Variants in PDGFC observed in about 807,000 individuals in gnomAD.
The protein encoded by PDGFC is platelet derived growth factor C.
In PDGFC, 12 loss-of-function variants were observed where a neutral mutation model predicts 35.5. The ratio of observed to expected loss-of-function variants is 0.34; its 90% confidence interval spans 0.22 to 0.55. The LOEUF (loss-of-function observed/expected upper bound fraction) is 0.55, where lower values mean the gene tolerates loss of function less well. Among genes scored for constraint, PDGFC ranks in the 20% least tolerant of loss-of-function variants. The pLI is 0.91. For missense variants in PDGFC, 322 were observed against 412.4 expected (o/e 0.78, Z 1.90); for synonymous variants, 159 against 148.8 (o/e 1.07, Z -0.50).
At chr4:156,824,325 T>TATATATATATATACACATATACAC (rs1313538089) in intron 2 of PDGFC, among the ~76,000 whole-genome samples, 16 of 109,580 alleles carry the variant, frequency 1.5e-4, no homozygotes, top group African/African-American at 4.8e-4. Flanking sequence ...TATATATATA[T>TATATATATATATACACATATACAC]ATACACACAC....
At chr4:156,940,390 GATTTT>G (rs1265305516) in intron 1 of PDGFC, among the ~76,000 whole-genome samples, 1 of 152,030 alleles carries the variant, frequency 6.6e-6, no homozygotes, top group Admixed American at 6.6e-5. Context: ...CTGGACAATT[GATTTT>G]ATCTATTTAC....
intron 2 of PDGFC, among the ~76,000 whole-genome samples, chr4:156,847,377 G>C (rs1270828479): frequency 6.6e-6 from 1 of 151,656 alleles, no homozygotes; most frequent in Non-Finnish European, 1.5e-5. Context: ...CTCAGTGTAA[G>C]CATGACAAAA....
intron 2 of PDGFC, among the ~76,000 whole-genome samples, chr4:156,834,313 T>A (rs1232548765): frequency 1.3e-5 from 2 of 152,146 alleles, no homozygotes; most frequent in Non-Finnish European, 2.9e-5. Context: ...GTAGGTAAAC[T>A]GCTGCAATTT....
At chr4:156,864,996 A>C (rs995025944) in intron 1 of PDGFC, among the ~76,000 whole-genome samples, 2 of 152,140 alleles carry the variant, frequency 1.3e-5, no homozygotes, top group South Asian at 4.1e-4. Context: ...GTACAATCTA[A>C]AATTATATAC....
chr4:156,763,439 G>A (rs1730438380), intron 5 of PDGFC, among the ~76,000 whole-genome samples: 1 of 148,768 alleles, frequency 6.7e-6, no homozygotes, highest in Non-Finnish European at 1.5e-5. Context: ...GAAGCATTCT[G>A]TCTCTGAATA....
chr4:156,968,344 A>C (rs1732514471), intron 1 of PDGFC, among the ~76,000 whole-genome samples: 1 of 152,202 alleles, frequency 6.6e-6, no homozygotes, highest in African/African-American at 2.4e-5. Context: ...TGCAATGCAC[A>C]AACTGGGCCA....
chr4:156,847,237 C>T (rs932524493), intron 2 of PDGFC, among the ~76,000 whole-genome samples: 3 of 151,578 alleles, frequency 2.0e-5, no homozygotes, highest in Non-Finnish European at 3.0e-5. Context: ...AGAGCAGAAG[C>T]CCAGCAGATA....
intron 1 of PDGFC, among the ~76,000 whole-genome samples, chr4:156,932,082 T>C (rs2110879246): frequency 6.6e-6 from 1 of 152,294 alleles, no homozygotes; most frequent in African/African-American, 2.4e-5. Context: ...GTAATGCTAA[T>C]TTAATCTATT....
Position 156,760,957 on chromosome 4 carries a change from G to A in PDGFC, c.*2133C>T, listed in dbSNP as rs1490982153. On this transcript the variant is annotated 3_prime_UTR_variant, in exon 6 of 6. Coordinates refer to ENST00000502773, the MANE Select transcript of PDGFC (RefSeq NM_016205.3). Reference sequence around the variant, plus strand: ...CCATATATCTAGTTGGCCTCTATATGGATAGGACAAAACCAGGAAAAGGTA... The same window carrying A: ...CCATATATCTAGTTGGCCTCTATATAGATAGGACAAAACCAGGAAAAGGTA... 1 of 151,994 alleles carries A rather than the reference G, an allele frequency of 6.6e-6. No individual in the cohort carries two copies. The highest frequency in any genetic ancestry group is 2.4e-5 in the African/African-American group (1 of 41,340). 9.4% of individuals were successfully genotyped at this position (151,994 alleles called of 1,614,324 possible).
intron 1 of PDGFC, among the ~76,000 whole-genome samples, chr4:156,876,074 AG>A (rs1730110012): frequency 6.6e-6 from 1 of 152,218 alleles, no homozygotes; most frequent in Non-Finnish European, 1.5e-5. Context: ...GAACAGAAAA[AG>A]AATCAAAAGC....
chr4:156,961,818 G>A (rs1732350006), intron 1 of PDGFC, among the ~76,000 whole-genome samples: 1 of 152,018 alleles, frequency 6.6e-6, no homozygotes, highest in African/African-American at 2.4e-5. Context: ...CATTCTGCAC[G>A]CCATCCGTTT....
chr4:156,797,491 G>C (rs1487570886), intron 3 of PDGFC, among the ~76,000 whole-genome samples: 2 of 152,132 alleles, frequency 1.3e-5, no homozygotes, highest in Non-Finnish European at 2.9e-5. Flanking sequence ...CTCTGCATTT[G>C]AACATGGTTT....
chr4:156,961,534 ACATC>A (rs1434093794), intron 1 of PDGFC, among the ~76,000 whole-genome samples: 3 of 152,184 alleles, frequency 2.0e-5, no homozygotes, highest in African/African-American at 4.8e-5. Flanking sequence ...TCAAGATAGT[ACATC>A]CACCAAAAGA....
Position 156,881,895 on chromosome 4 carries a change from A to G in PDGFC, c.119-31479T>C, listed in dbSNP as rs34894379. ...TCTGTCTCTTTGCTTGCTGCCATCC[A>G]TGTAAGACATGACTTACTCCTGCTT... On this transcript the variant is annotated intron_variant, in intron 1 of 5. Transcript: ENST00000502773. Among the ~76,000 whole-genome samples, 925 of 151,018 alleles carry G rather than the reference A, an allele frequency of 6.1e-3. 13 individuals carry two copies. Among genetic ancestry groups the G allele is most frequent in the Non-Finnish European group, 0.011 (716 of 67,912 alleles).
intron 2 of PDGFC, 127 bp downstream of exon 2, chr4:156,850,094 G>A (rs1024701945): frequency 4.7e-5 from 24 of 508,504 alleles, no homozygotes; most frequent in Non-Finnish European, 3.3e-6. Flanking sequence ...AATAAGGCTG[G>A]AAATTTCTTA....
At chr4:156,897,507 AACTG>A (rs1730663279) in intron 1 of PDGFC, among the ~76,000 whole-genome samples, 2 of 152,216 alleles carry the variant, frequency 1.3e-5, no homozygotes, top group East Asian at 3.9e-4. Context: ...GCTCACATTA[AACTG>A]ACTGGGTGAG....
intron 4 of PDGFC, chr4:156,770,302 G>C (rs1287056303): frequency 6.6e-6 from 1 of 151,336 alleles, no homozygotes; most frequent in East Asian, 1.9e-4. Flanking sequence ...GAAAGTGAAA[G>C]AAAAAAAAGT....
At chr4:156,935,371 G>A (rs749152467) in intron 1 of PDGFC, among the ~76,000 whole-genome samples, 12 of 152,138 alleles carry the variant, frequency 7.9e-5, no homozygotes, top group Non-Finnish European at 1.5e-4. Flanking sequence ...ACAAAAATCA[G>A]TAACACAGTC....
chr4:156,784,120 G>A (rs1731055279), intron 3 of PDGFC, among the ~76,000 whole-genome samples: 1 of 152,106 alleles, frequency 6.6e-6, no homozygotes, highest in African/African-American at 2.4e-5. Context: ...AAATATAGAG[G>A]ACTCACTTGG....
Sources: allele counts gnomAD v4.1 joint callset (sites outside exome capture counted in the v4.1 genomes callset), GRCh38; gene constraint gnomAD v4.1.1; transcripts MANE v1.5; gene names NCBI Gene and HGNC (gene_info 2026-07-23, HGNC 2026-07-21).